Variants in HDAC9 observed in about 807,000 individuals in gnomAD.
The protein encoded by HDAC9 is histone deacetylase 9.
In HDAC9, 41 loss-of-function variants were observed where a neutral mutation model predicts 139.4. The observed-to-expected ratio is 0.29, with a 90% CI of 0.23 to 0.38. The LOEUF (loss-of-function observed/expected upper bound fraction) is 0.38, where lower values mean the gene tolerates loss of function less well. Among genes scored for constraint, HDAC9 ranks in the 10% least tolerant of loss-of-function variants. The pLI, the probability that HDAC9 is intolerant of heterozygous loss-of-function variation, is 1.00. For missense variants in HDAC9, 1,147 were observed against 1,297.0 expected, an observed-to-expected ratio of 0.88 and a Z score of 1.78; for synonymous variants, 517 against 476.2, an observed-to-expected ratio of 1.09 and a Z score of -1.12.
At chr7:18,541,600 C>T (rs1405722470) in intron 2 of HDAC9, among the ~76,000 whole-genome samples, 2 of 152,036 alleles carry the variant, frequency 1.3e-5, no homozygotes, top group African/African-American at 4.8e-5. Flanking sequence ...ATTGTGGTGA[C>T]AAACATAATA....
intron 2 of HDAC9, among the ~76,000 whole-genome samples, chr7:18,244,001 G>A (rs762846327): frequency 1.3e-5 from 2 of 152,192 alleles, no homozygotes; most frequent in Admixed American, 6.5e-5. Flanking sequence ...AAACTATGGG[G>A]GAGAAGGCTG....
chr7:18,837,994 G>C (rs1045636257), intron 21 of HDAC9, among the ~76,000 whole-genome samples: 1 of 151,912 alleles, frequency 6.6e-6, no homozygotes, highest in African/African-American at 2.4e-5. Context: ...TATCTAGCTA[G>C]GATGCAGAAA....
intron 2 of HDAC9, among the ~76,000 whole-genome samples, chr7:18,260,946 C>T (rs751056259): frequency 3.3e-5 from 5 of 152,150 alleles, no homozygotes; most frequent in Non-Finnish European, 5.9e-5. Context: ...ACAACAGATC[C>T]GGCCATAGAA....
chr7:18,179,778 C>T (rs1226182464), intron 2 of HDAC9, among the ~76,000 whole-genome samples: 1 of 152,150 alleles, frequency 6.6e-6, no homozygotes, highest in African/African-American at 2.4e-5. Context: ...CTCCCTTTGT[C>T]CCAGATTCCT....
At chr7:18,688,093 A>G (rs1212042267) in intron 12 of HDAC9, among the ~76,000 whole-genome samples, 1 of 151,868 alleles carries the variant, frequency 6.6e-6, no homozygotes, top group Non-Finnish European at 1.5e-5. Context: ...ACACTTATAT[A>G]TGAGCTATGT....
chr7:18,649,559 T>C (rs1188071790), intron 11 of HDAC9, among the ~76,000 whole-genome samples: 2 of 152,202 alleles, frequency 1.3e-5, no homozygotes, highest in African/African-American at 4.8e-5. Flanking sequence ...ATACTTTGTT[T>C]ACTGATAAAT....
intron 17 of HDAC9, among the ~76,000 whole-genome samples, chr7:18,819,183 G>A (rs1199300142): frequency 1.3e-5 from 2 of 152,162 alleles, no homozygotes; most frequent in African/African-American, 2.4e-5. Context: ...AGGTGGCTGA[G>A]GCAGGAGAAT....
intron 19 of HDAC9, among the ~76,000 whole-genome samples, chr7:18,833,784 G>A (rs1003058512): frequency 6.6e-6 from 1 of 152,156 alleles, no homozygotes; most frequent in Non-Finnish European, 1.5e-5. Context: ...AAGGGAAAAG[G>A]ATTATTGTAT....
intron 1 of HDAC9, among the ~76,000 whole-genome samples, chr7:18,097,288 A>G (rs1313513278): frequency 1.3e-5 from 2 of 152,166 alleles, no homozygotes; most frequent in African/African-American, 4.8e-5. Flanking sequence ...TGAGTTTATC[A>G]CTTTAAAAAT....
intron 14 of HDAC9, among the ~76,000 whole-genome samples, chr7:18,752,539 A>C (rs1044289007): frequency 1.3e-5 from 2 of 152,110 alleles, no homozygotes; most frequent in Non-Finnish European, 1.5e-5. Flanking sequence ...TGTGTCTAAA[A>C]CACGCTAACA....
intron 17 of HDAC9, among the ~76,000 whole-genome samples, chr7:18,802,268 C>A (rs571219934): frequency 6.6e-6 from 1 of 151,788 alleles, no homozygotes; most frequent in East Asian, 1.9e-4. Flanking sequence ...CTTTTTTGAG[C>A]CATTAGTGTA....
chr7:18,430,392 T>G (rs1210961633), intron 1 of HDAC9: 3 of 152,216 alleles, frequency 2.0e-5, no homozygotes, highest in African/African-American at 7.2e-5. Flanking sequence ...CCTGGCTAAT[T>G]TTTTAATTTT....
chr7:18,448,924 G>C (rs1311283534), intron 1 of HDAC9, among the ~76,000 whole-genome samples: 1 of 151,920 alleles, frequency 6.6e-6, no homozygotes, highest in East Asian at 1.9e-4. Flanking sequence ...ACAGAATCGG[G>C]GCAGATAGAA....
chr7:18,164,446 T>A (rs1295461678), intron 2 of HDAC9, among the ~76,000 whole-genome samples: 1 of 152,230 alleles, frequency 6.6e-6, no homozygotes, highest in Non-Finnish European at 1.5e-5. Context: ...ATTAAATTGG[T>A]CTTATGCAAT....
At chr7:18,595,306 A>G (rs3814992) in intron 6 of HDAC9, among the ~76,000 whole-genome samples, 42,410 of 151,966 alleles carry the variant, frequency 0.28, 6,222 homozygotes, top group African/African-American at 0.37. Context: ...ATTGAGTTTT[A>G]TGTATTGCAT....
chr7:18,122,499 C>T (rs1036459137), intron 1 of HDAC9, among the ~76,000 whole-genome samples: 1 of 152,130 alleles, frequency 6.6e-6, no homozygotes, highest in Non-Finnish European at 1.5e-5. Flanking sequence ...CTACTATATC[C>T]TTATCTGAGT....
At chr7:18,350,447 A>G (rs1476990040) in intron 1 of HDAC9, among the ~76,000 whole-genome samples, 1 of 152,198 alleles carries the variant, frequency 6.6e-6, no homozygotes, top group Non-Finnish European at 1.5e-5. Context: ...ATCTTCATCA[A>G]TACAAGTATT....
chr7:18,272,913 G>GCTACTACTA (rs149171355), intron 2 of HDAC9, among the ~76,000 whole-genome samples: 28 of 144,618 alleles, frequency 1.9e-4, no homozygotes, highest in East Asian at 1.8e-3. Flanking sequence ...CTAGACTACT[G>GCTACTACTA]CTACTACTAC....
intron 2 of HDAC9, among the ~76,000 whole-genome samples, chr7:18,534,006 G>C (rs987442263): frequency 2.6e-5 from 4 of 152,066 alleles, no homozygotes; most frequent in African/African-American, 9.7e-5. Flanking sequence ...ATTCGATAGA[G>C]GCTATTAATT....
Sources: gnomAD v4.1 joint callset for allele counts (sites outside exome capture counted in the v4.1 genomes callset) on GRCh38, gnomAD v4.1.1 for gene constraint, MANE v1.5 for transcripts, NCBI Gene and HGNC (gene_info 2026-07-23, HGNC 2026-07-21) for gene names.